Variants in ZCWPW2 observed in about 807,000 individuals in gnomAD.
ZCWPW2 encodes the protein zinc finger CW-type PWWP domain protein 2.
Under a neutral mutation model 46.6 loss-of-function variants are expected in ZCWPW2, and 45 were observed. That is an observed-to-expected ratio of 0.96 (90% CI 0.76 to 1.24). The LOEUF (loss-of-function observed/expected upper bound fraction) is 1.24, where lower values mean the gene tolerates loss of function less well. Ranked by LOEUF, ZCWPW2 falls within the 50% of genes most tolerant of loss-of-function variation. ZCWPW2 has a pLI of 0.00. For missense variants in ZCWPW2, 429 were observed against 403.9 expected (o/e 1.06, Z -0.53); for synonymous variants, 152 against 137.1 (o/e 1.11, Z -0.76).
At chr3:28,447,269 A>G (rs1329220555) in intron 4 of ZCWPW2, among the ~76,000 whole-genome samples, 1 of 152,170 alleles carries the variant, frequency 6.6e-6, no homozygotes, top group Non-Finnish European at 1.5e-5. Context: ...AAATACTAAC[A>G]AACTTAATTC....
At chr3:28,520,056 G>A (rs1700681703) in intron 8 of ZCWPW2, among the ~76,000 whole-genome samples, 1 of 148,192 alleles carries the variant, frequency 6.7e-6, no homozygotes, top group Admixed American at 6.8e-5. Context: ...CCAAGCTGGA[G>A]TGCAGTGGTG....
At chr3:28,496,708 G>T (rs1197567238) in intron 6 of ZCWPW2, among the ~76,000 whole-genome samples, 2 of 151,710 alleles carry the variant, frequency 1.3e-5, no homozygotes, top group Non-Finnish European at 2.9e-5. Flanking sequence ...GAAAGCTGTT[G>T]GTATGAAAGC....
intron 1 of ZCWPW2, among the ~76,000 whole-genome samples, chr3:28,353,183 C>CA (rs773765883): frequency 0.026 from 3,373 of 130,018 alleles, 39 homozygotes; most frequent in Middle Eastern, 0.033. Flanking sequence ...GACTCCGTCT[C>CA]AAAAAAAAAA....
chr3:28,506,737 A>T (rs781414912), intron 6 of ZCWPW2, among the ~76,000 whole-genome samples: 1 of 152,084 alleles, frequency 6.6e-6, no homozygotes, highest in Non-Finnish European at 1.5e-5. Context: ...CATTTGTGAT[A>T]ATTTGTTACA....
At chr3:28,360,864 G>A (rs1368903862) in intron 1 of ZCWPW2, among the ~76,000 whole-genome samples, 1 of 151,986 alleles carries the variant, frequency 6.6e-6, no homozygotes, top group Non-Finnish European at 1.5e-5. Flanking sequence ...ACCAAGCTAC[G>A]TTAATCAAAA....
rs1338804498 is a variant in ZCWPW2, at chr3:28,416,801, T to C, written c.332+3401T>C. ...TGTGGTTTCTGTCTTTGGTTCTGTT[T>C]ATATGCTGGAGTACGTTTATTGATT... On this transcript the variant is annotated intron_variant, in intron 3 of 9. Coordinates refer to ENST00000383768, the MANE Select transcript of ZCWPW2 (RefSeq NM_001040432.4). Among the ~76,000 whole-genome samples the C allele has an allele frequency of 1.9e-5, 2 of 104,920 alleles. 1 individual carries two copies. The highest frequency in any genetic ancestry group is 7.6e-5 in the African/African-American group (2 of 26,470). The allele number at this position is 104,920 out of a possible 152,430, so 68.8% of individuals were successfully genotyped here.
Position 28,413,549 on chromosome 3 carries a change from T to C in ZCWPW2, c.332+149T>C, listed in dbSNP as rs1696495055. On this transcript the variant is annotated intron_variant, in intron 3 of 9. Transcript: ENST00000383768. ...TTTTCCATACTTCTTTGGATTTTTT[T>C]CTAGCTTTTTAAATGGGAAAGTTAG... 15 of 693,892 alleles carry C rather than the reference T, an allele frequency of 2.2e-5. No homozygotes were observed. In the Admixed American group the frequency reaches 3.8e-4, roughly 18 times the overall value. The allele number at this position is 693,892 out of a possible 1,614,324, so 43.0% of individuals were successfully genotyped here.
intron 6 of ZCWPW2, 58 bp downstream of exon 6, chr3:28,492,231 T>C (rs897132545): frequency 1.4e-6 from 2 of 1,400,618 alleles, no homozygotes; most frequent in African/African-American, 3.0e-5. Flanking sequence ...TTAACACTAT[T>C]CTTTAAAGAA....
At position 28,413,101 on chromosome 3, in the gene ZCWPW2, A is replaced by AC; in HGVS notation, c.33_34insC (p.Tyr12LeufsTer3). 6.2e-7 allele frequency: 1 copy of AC among 1,612,152 alleles called. No homozygotes were observed. The highest frequency in any genetic ancestry group is 1.1e-5 in the South Asian group (1 of 90,926). On this transcript the variant is annotated frameshift_variant, in exon 3 of 10. Transcript: ENST00000383768. LOFTEE classifies it high-confidence loss of function. Reference sequence around the variant, plus strand: ...AAGAAAAATTGGATGTTAAGATTGAATATTGTAACTATGCAATGGATTCCT... The same window carrying AC: ...AAGAAAAATTGGATGTTAAGATTGAACTATTGTAACTATGCAATGGATTCCT...
intron 5 of ZCWPW2, among the ~76,000 whole-genome samples, chr3:28,490,788 T>A (rs1699781815): frequency 6.6e-6 from 1 of 152,118 alleles, no homozygotes; most frequent in Non-Finnish European, 1.5e-5. Context: ...TTATTACCCC[T>A]GGTTTATCAA....
intron 1 of ZCWPW2, among the ~76,000 whole-genome samples, chr3:28,374,659 T>C (rs1282198117): frequency 1.3e-5 from 2 of 152,116 alleles, no homozygotes; most frequent in African/African-American, 4.8e-5. Context: ...GTTCTCTTCC[T>C]CAACTGGTTT....
At chr3:28,353,658 G>A (rs986860211) in intron 1 of ZCWPW2, among the ~76,000 whole-genome samples, 2 of 152,212 alleles carry the variant, frequency 1.3e-5, no homozygotes, top group African/African-American at 4.8e-5. Context: ...AATAGGAATT[G>A]TTTGCTGACA....
At position 28,397,334 on chromosome 3, in the gene ZCWPW2, C is replaced by A. The variant is rs146060863; in HGVS notation, c.-14+6717C>A. Among the ~76,000 whole-genome samples the A allele has an allele frequency of 2.2e-3, 331 of 152,128 alleles. 2 individuals carry two copies. The highest frequency in any genetic ancestry group is 6.9e-3 in the African/African-American group (286 of 41,492). On this transcript the variant is annotated intron_variant, in intron 2 of 9. Coordinates refer to ENST00000383768, the MANE Select transcript of ZCWPW2 (RefSeq NM_001040432.4). The stretch of plus-strand genomic sequence containing the variant: ...ATATTTTAATTCAGGAAGAATTGAT[C>A]TTATTTTTTAATTTTTTCAAATTCT...
intron 4 of ZCWPW2, among the ~76,000 whole-genome samples, chr3:28,475,195 C>T (rs1470156386): frequency 1.3e-5 from 2 of 152,024 alleles, no homozygotes; most frequent in Non-Finnish European, 2.9e-5. Flanking sequence ...CTCTTCATCT[C>T]AGTAGAGAGC....
At chr3:28,431,947 G>T (rs1307684393) in intron 3 of ZCWPW2, among the ~76,000 whole-genome samples, 5 of 152,110 alleles carry the variant, frequency 3.3e-5, no homozygotes, top group Non-Finnish European at 7.4e-5. Context: ...TTCTTCACAT[G>T]GTGGCAGCAA....
At chr3:28,495,239 G>A (rs775261920) in intron 6 of ZCWPW2, among the ~76,000 whole-genome samples, 1 of 152,056 alleles carries the variant, frequency 6.6e-6, no homozygotes, top group Admixed American at 6.6e-5. Context: ...GCTGAATAAT[G>A]TTCAGCTCCT....
intron 4 of ZCWPW2, among the ~76,000 whole-genome samples, chr3:28,465,491 A>T (rs1318908939): frequency 6.6e-6 from 1 of 152,186 alleles, no homozygotes; most frequent in Non-Finnish European, 1.5e-5. Flanking sequence ...AATAAATGCG[A>T]ATTACTTCAA....
rs1051957245 is a variant in ZCWPW2 at position 28,451,535 on chromosome 3, T to C, written c.492+16266T>C. On this transcript the variant is annotated intron_variant, in intron 4 of 9. Transcript: ENST00000383768. ...CATGTTGAATGATGGAAGTCTCTGG[T>C]AGACTTGCTCTTTACTTGCTGCTCA... is the stretch of plus-strand genomic sequence containing the variant. Among the ~76,000 whole-genome samples the C allele has an allele frequency of 2.6e-5, 4 of 152,354 alleles. No homozygotes were observed. In the East Asian group the frequency reaches 7.7e-4, roughly 29 times the overall value.
intron 3 of ZCWPW2, among the ~76,000 whole-genome samples, chr3:28,430,783 CT>C (rs1443155486): frequency 6.6e-6 from 1 of 152,088 alleles, no homozygotes; most frequent in Non-Finnish European, 1.5e-5. Context: ...TTATAAGGAG[CT>C]TTCCCCCCTT....
Sources: allele counts gnomAD v4.1 joint callset (sites outside exome capture counted in the v4.1 genomes callset), GRCh38; gene constraint gnomAD v4.1.1; transcripts MANE v1.5; gene names NCBI Gene and HGNC (gene_info 2026-07-23, HGNC 2026-07-21).